Variants in TMEM254 observed in about 807,000 individuals in gnomAD.
TMEM254 encodes transmembrane protein 254.
TMEM254 carries 16 observed loss-of-function variants against 13.9 expected under a neutral mutation model. That is an observed-to-expected ratio of 1.15 (90% CI 0.78 to 1.75). The LOEUF (loss-of-function observed/expected upper bound fraction) is 1.75. Ranked by LOEUF, TMEM254 falls within the 40% of genes most tolerant of loss-of-function variation. The pLI is 0.00. For synonymous variants in TMEM254, 61 were observed against 56.4 expected (o/e 1.08, Z -0.36); for missense variants, 155 against 149.0 (o/e 1.04, Z -0.21).
intron 1 of TMEM254, chr10:80,079,807 G>A (rs1843878741): frequency 1.8e-6 from 1 of 561,400 alleles, no homozygotes; most frequent in South Asian, 7.8e-5. Flanking sequence ...CTGCTTCCCA[G>A]GTTCAAGCGA....
chr10:80,086,616 A>G (rs7901310), intron 3 of TMEM254, among the ~76,000 whole-genome samples: 94,803 of 151,612 alleles, frequency 0.63, 29,765 homozygotes, highest in South Asian at 0.75. Context: ...GCCAAGGCGG[A>G]CGGATCACCA....
At position 80,091,084 on chromosome 10, in the gene TMEM254, G is replaced by A. The variant is rs557504474; in HGVS notation, c.*167G>A. 5 of 780,912 alleles carry A rather than the reference G, an allele frequency of 6.4e-6. No homozygotes were observed. In the South Asian group the frequency reaches 1.0e-4, roughly 16 times the overall value. The allele number at this position is 780,912 out of a possible 1,614,324, so 48.4% of individuals were successfully genotyped here. A position where few individuals can be genotyped will look rare whatever the true frequency, so the allele number is the denominator to read the frequency against. On this transcript the variant is annotated 3_prime_UTR_variant, in exon 4 of 4. Coordinates refer to ENST00000372281, the MANE Select transcript of TMEM254 (RefSeq NM_025125.4). Reference sequence around the variant, plus strand: ...GTCAGTTTTTTCTCTTATATGCTCTGGTTGAGCTTGAATAGACCAGTTGTT... The same window carrying A: ...GTCAGTTTTTTCTCTTATATGCTCTAGTTGAGCTTGAATAGACCAGTTGTT...
chr10:80,080,783 C>G (rs1468859710), intron 1 of TMEM254, among the ~76,000 whole-genome samples: 1 of 151,570 alleles, frequency 6.6e-6, no homozygotes, highest in Non-Finnish European at 1.5e-5. Context: ...TACACACACA[C>G]ACACACACAA....
chr10:80,091,113 T>A lies in TMEM254; in HGVS notation c.*196T>A. On this transcript the variant is annotated 3_prime_UTR_variant, in exon 4 of 4. Transcript: ENST00000372281. The stretch of plus-strand genomic sequence containing the variant: ...GAGCTTGAATAGACCAGTTGTTACT[T>A]AAGAAAGAAACAGAGAAAGATTTTA... 1.8e-6 allele frequency: 1 copy of A among 551,640 alleles called. No individual in the cohort carries two copies. Among genetic ancestry groups the A allele is most frequent in the Non-Finnish European group, 3.0e-6 (1 of 336,018 alleles). 34.2% of individuals were successfully genotyped at this position (551,640 alleles called of 1,614,324 possible).
Position 80,082,159 on chromosome 10 carries a change from G to A in TMEM254, c.206G>A (p.Trp69Ter), listed in dbSNP as rs745387237. 2 of 1,614,042 alleles carry A rather than the reference G, an allele frequency of 1.2e-6. No individual in the cohort carries two copies. The highest frequency in any genetic ancestry group is 1.7e-6 in the Non-Finnish European group (2 of 1,180,042). ...TLLCNGYWLA[W>*]LIHVGESLYA... ...TTTGGTTTCAGGTATTGGCTTGCCT[G>A]GCTGATTCATGTGGGAGAGTCCTTG... is the stretch of plus-strand genomic sequence containing the variant. The change falls in exon 3 of 4, where the codon TGG becomes TAG. Residue 69 changes from tryptophan (W) to a stop codon, truncating the protein, a stop_gained. Coordinates refer to ENST00000372281, the MANE Select transcript of TMEM254 (RefSeq NM_025125.4). LOFTEE classifies it high-confidence loss of function.
intron 3 of TMEM254, among the ~76,000 whole-genome samples, chr10:80,085,334 C>T (rs1376312253): frequency 6.6e-6 from 1 of 151,622 alleles, no homozygotes; most frequent in African/African-American, 2.4e-5. Context: ...CTGAGGCAGG[C>T]GGATCACCTG....
chr10:80,086,327 G>A, intron 3 of TMEM254: 1 of 1,219,618 alleles, frequency 8.2e-7, no homozygotes, highest in East Asian at 3.1e-5. Context: ...GCCACCAACT[G>A]TGACCCTTCT....
At chr10:80,090,444 G>A (rs1355737713) in intron 3 of TMEM254, 3 of 717,336 alleles carry the variant, frequency 4.2e-6, no homozygotes, top group Admixed American at 2.0e-5. Flanking sequence ...AGGTAGCCAC[G>A]CTAGGATTTA....
At chr10:80,087,890 C>T (rs1283985097) in intron 3 of TMEM254, among the ~76,000 whole-genome samples, 4 of 152,192 alleles carry the variant, frequency 2.6e-5, no homozygotes, top group South Asian at 2.1e-4. Context: ...TCCTTTCTCA[C>T]GGTCTTTTTA....
At position 80,082,320 on chromosome 10, in the gene TMEM254, C is replaced by T. The variant is rs76485221; in HGVS notation, c.251+116C>T. Reference sequence around the variant, plus strand: ...GGCTGAGAATATTCTCAGGGTAGAGCGGAATCCCCATGCCTGATACTGAGC... The same window carrying T: ...GGCTGAGAATATTCTCAGGGTAGAGTGGAATCCCCATGCCTGATACTGAGC... On this transcript the variant is annotated intron_variant, in intron 3 of 3. Coordinates refer to ENST00000372281, the MANE Select transcript of TMEM254 (RefSeq NM_025125.4). 958 of 1,224,976 alleles carry T rather than the reference C, an allele frequency of 7.8e-4. 12 individuals carry two copies. In the African/African-American group the frequency reaches 0.013, roughly 16 times the overall value. 75.9% of individuals were successfully genotyped at this position (1,224,976 alleles called of 1,614,324 possible).
At chr10:80,082,226 T>G in intron 3 of TMEM254, 22 bp downstream of exon 3, 1 of 1,613,706 alleles carries the variant, frequency 6.2e-7, no homozygotes, top group Non-Finnish European at 8.5e-7. Context: ...AAGTAGGTGT[T>G]TGTTGCCTTT....
At chr10:80,083,169 C>T (rs953696922) in intron 3 of TMEM254, among the ~76,000 whole-genome samples, 1 of 145,844 alleles carries the variant, frequency 6.9e-6, no homozygotes, top group Non-Finnish European at 1.5e-5. Flanking sequence ...TGCAGTGGCG[C>T]AATCTTGGCT....
At chr10:80,086,184 A>T (rs780757847) in intron 3 of TMEM254, 37 of 1,290,764 alleles carry the variant, frequency 2.9e-5, no homozygotes, top group Non-Finnish European at 3.8e-5. Context: ...GGGAAATGTG[A>T]ATTAAATTAA....
At chr10:80,078,999 G>C (rs993267311) in intron 1 of TMEM254, 3 of 1,538,108 alleles carry the variant, frequency 2.0e-6, no homozygotes, top group Non-Finnish European at 2.6e-6. Context: ...AGGGCCCTGA[G>C]AAACCGGCTA....
Position 80,078,735 on chromosome 10 carries a change from A to G in TMEM254, c.36A>G (p.Arg12=), listed in dbSNP as rs759899782. 42 of 1,608,614 alleles carry G rather than the reference A, an allele frequency of 2.6e-5. No individual in the cohort carries two copies. Among genetic ancestry groups the G allele is most frequent in the Non-Finnish European group, 3.5e-5 (41 of 1,178,140 alleles). Residue 12 remains arginine, a synonymous_variant, in exon 1 of 4, where the codon CGA becomes CGG. Coordinates refer to ENST00000372281, the MANE Select transcript of TMEM254 (RefSeq NM_025125.4). ...CAGCCGGCGCGACCTACTTTCAGCG[A>G]GGCAGTCTGTTCTGGTTCACAGTCA... ...ATAAGATYFQ[R]GSLFWFTVIT... is the part of the protein sequence containing the mutation.
chr10:80,083,185 C>A (rs566978934), intron 3 of TMEM254, among the ~76,000 whole-genome samples: 1 of 147,192 alleles, frequency 6.8e-6, no homozygotes, highest in Admixed American at 7.0e-5. Flanking sequence ...TGGCTCCCTG[C>A]AATCTCTACG....
chr10:80,087,131 A>G (rs1176046539), intron 3 of TMEM254, among the ~76,000 whole-genome samples: 1 of 152,148 alleles, frequency 6.6e-6, no homozygotes, highest in African/African-American at 2.4e-5. Flanking sequence ...GTCTATACAT[A>G]TAAACTTACC....
chr10:80,079,049 G>A (rs760633428), intron 1 of TMEM254: 10 of 1,489,272 alleles, frequency 6.7e-6, no homozygotes, highest in African/African-American at 1.4e-5. Context: ...CGGCTGGGGA[G>A]CTCCCAGCCA....
At chr10:80,085,135 C>G (rs750774549) in intron 3 of TMEM254, among the ~76,000 whole-genome samples, 4 of 152,082 alleles carry the variant, frequency 2.6e-5, no homozygotes, top group Non-Finnish European at 4.4e-5. Context: ...ATTTAATATA[C>G]AATTTTTTTG....
Sources: gnomAD v4.1 joint callset for allele counts (sites outside exome capture counted in the v4.1 genomes callset) on GRCh38, gnomAD v4.1.1 for gene constraint, MANE v1.5 for transcripts, NCBI Gene and HGNC (gene_info 2026-07-23, HGNC 2026-07-21) for gene names.